The following DIAPH2 variants were observed in gnomAD, a reference collection of about 807,000 sequenced individuals.
DIAPH2 encodes diaphanous related formin 2, also known as protein diaphanous homolog 2.
In DIAPH2, 35 loss-of-function variants were observed where a neutral mutation model predicts 92.7. The observed-to-expected ratio is 0.38, with a 90% CI of 0.29 to 0.50. The LOEUF is 0.50. Among genes scored for constraint, DIAPH2 ranks in the 20% least tolerant of loss-of-function variants. The probability of loss-of-function intolerance (pLI) is 0.94; values close to 1 mark genes in which losing one functional copy is unlikely to be tolerated. For synonymous variants in DIAPH2, 301 were observed against 280.4 expected, an observed-to-expected ratio of 1.07 and a Z score of -0.73; for missense variants, 701 against 819.5, an observed-to-expected ratio of 0.86 and a Z score of 1.77.
At chrX:96,763,418 T>G (rs2064281505) in intron 4 of DIAPH2, among the ~76,000 whole-genome samples, 1 of 111,583 alleles carries the variant, frequency 9.0e-6, no homozygotes, top group African/African-American at 3.3e-5. Context: ...TGAAATTGTA[T>G]GTTTTACCTC....
chrX:96,769,985 G>T lies in DIAPH2; in HGVS notation c.447+11727G>T, dbSNP rs746037448. ...GGCTGAGGTGGGTGGATCACTTGAGGTCAGGAGTTCAAGACCAGCCTGGCC... is the reference window on the plus strand; with the variant it reads ...GGCTGAGGTGGGTGGATCACTTGAGTTCAGGAGTTCAAGACCAGCCTGGCC... On this transcript the variant is annotated intron_variant, in intron 4 of 26. Transcript: ENST00000324765. Among the ~76,000 whole-genome samples the T allele has an allele frequency of 3.6e-5, 4 of 111,586 alleles. No individual in the cohort carries two copies. In the South Asian group the frequency reaches 1.5e-3, roughly 42 times the overall value.
chrX:97,430,978 T>C (rs1259225569), intron 26 of DIAPH2, among the ~76,000 whole-genome samples: 1 of 112,100 alleles, frequency 8.9e-6, no homozygotes, highest in African/African-American at 3.2e-5. Flanking sequence ...AAGACTACTT[T>C]TATGTATATG....
intron 1 of DIAPH2, among the ~76,000 whole-genome samples, chrX:96,693,601 TCACAC>T (rs1348802306): frequency 9.0e-6 from 1 of 111,657 alleles, no homozygotes; most frequent in Non-Finnish European, 1.9e-5. Context: ...ACCACAGAGG[TCACAC>T]CACTTACCAA....
chrX:97,218,093 CTT>C (rs765085038), intron 22 of DIAPH2, among the ~76,000 whole-genome samples: 7 of 102,473 alleles, frequency 6.8e-5, no homozygotes, highest in Admixed American at 1.0e-4. Context: ...ACATGCTTTT[CTT>C]TTTTTTTTTT....
intron 22 of DIAPH2, among the ~76,000 whole-genome samples, chrX:97,177,498 A>T (rs1330318878): frequency 1.8e-5 from 2 of 110,725 alleles, no homozygotes; most frequent in Non-Finnish European, 3.8e-5. Context: ...TCAGAACAAA[A>T]CACCTGTATG....
chrX:97,264,293 A>G (rs2068315986), intron 23 of DIAPH2, among the ~76,000 whole-genome samples: 1 of 111,343 alleles, frequency 9.0e-6, no homozygotes, highest in Non-Finnish European at 1.9e-5. Flanking sequence ...TGCTTTAAGA[A>G]GGTCACATAG....
intron 1 of DIAPH2, among the ~76,000 whole-genome samples, chrX:96,709,321 T>C (rs1602443107): frequency 8.9e-6 from 1 of 112,070 alleles, no homozygotes; most frequent in East Asian, 2.8e-4. Context: ...TTTGATGAAA[T>C]GTGTGAGGCA....
At chrX:96,722,882 A>T (rs1381411500) in intron 1 of DIAPH2, among the ~76,000 whole-genome samples, 1 of 111,918 alleles carries the variant, frequency 8.9e-6, no homozygotes, top group African/African-American at 3.3e-5. Flanking sequence ...CTGACATTGC[A>T]TCATAACTTT....
At chrX:97,064,350 C>T (rs779790576) in intron 17 of DIAPH2, among the ~76,000 whole-genome samples, 1 of 110,891 alleles carries the variant, frequency 9.0e-6, no homozygotes, top group Non-Finnish European at 1.9e-5. Context: ...TTGCCTATGC[C>T]TTCTGTGAGC....
chrX:97,066,452 G>A lies in DIAPH2; in HGVS notation c.2051-6489G>A, dbSNP rs7885850. ...CCATGTAGGTTTGTGTAAGTGAACC[G>A]TATAATGTTCGCATAATGACAAAAT... On this transcript the variant is annotated intron_variant, in intron 17 of 26. Coordinates refer to ENST00000324765, the MANE Select transcript of DIAPH2 (RefSeq NM_006729.5). Among the ~76,000 whole-genome samples, 870 of 111,861 alleles carry A rather than the reference G, an allele frequency of 7.8e-3. 11 individuals carry two copies. Among genetic ancestry groups the A allele is most frequent in the African/African-American group, 0.026 (809 of 30,796 alleles).
chrX:97,276,592 A>G (rs2068454155), intron 23 of DIAPH2, among the ~76,000 whole-genome samples: 2 of 111,751 alleles, frequency 1.8e-5, no homozygotes, highest in South Asian at 3.8e-4. Flanking sequence ...AGCAACATTT[A>G]TGCTTTCAGA....
At chrX:96,863,846 G>T (rs2065087334) in intron 4 of DIAPH2, among the ~76,000 whole-genome samples, 1 of 111,568 alleles carries the variant, frequency 9.0e-6, no homozygotes, top group Non-Finnish European at 1.9e-5. Context: ...CAGACTACTT[G>T]AGCCCAGAAG....
chrX:97,286,394 T>C lies in DIAPH2; in HGVS notation c.2844+38555T>C, dbSNP rs143946353. The stretch of plus-strand genomic sequence containing the variant: ...CTACCCTCTAGCATGCTAGCAATAG[T>C]AGCAATCTAAACTCTCGGGTTTTAA... On this transcript the variant is annotated intron_variant, in intron 23 of 26. Transcript: ENST00000324765. Among the ~76,000 whole-genome samples the C allele has an allele frequency of 2.7e-5, 3 of 111,058 alleles. No individual in the cohort carries two copies. The East Asian group carries it at 8.5e-4, about 31-fold the overall frequency.
intron 20 of DIAPH2, among the ~76,000 whole-genome samples, chrX:97,113,036 TC>T (rs1401135894): frequency 9.1e-6 from 1 of 109,901 alleles, no homozygotes; most frequent in Non-Finnish European, 1.9e-5. Context: ...TGCCTCTGCC[TC>T]CCAAAGTGCT....
chrX:97,307,558 C>T (rs1292152818), intron 23 of DIAPH2, among the ~76,000 whole-genome samples: 2 of 111,211 alleles, frequency 1.8e-5, no homozygotes, highest in African/African-American at 6.5e-5. Flanking sequence ...GATTCAGTCT[C>T]AATATAAAAT....
intron 4 of DIAPH2, among the ~76,000 whole-genome samples, chrX:96,840,229 C>A (rs769428772): frequency 9.0e-6 from 1 of 111,696 alleles, no homozygotes; most frequent in Non-Finnish European, 1.9e-5. Flanking sequence ...TTGGACAGTG[C>A]AGATCTAGAG....
At chrX:97,166,069 T>C (rs1195728316) in intron 22 of DIAPH2, among the ~76,000 whole-genome samples, 1 of 111,572 alleles carries the variant, frequency 9.0e-6, no homozygotes, top group Non-Finnish European at 1.9e-5. Context: ...CATTGTTCTT[T>C]ATTTAATCTT....
intron 21 of DIAPH2, among the ~76,000 whole-genome samples, chrX:97,122,989 T>C (rs778353472): frequency 1.6e-4 from 18 of 112,077 alleles, no homozygotes; most frequent in African/African-American, 5.5e-4. Flanking sequence ...CATTTGTTCA[T>C]AATTCATTAC....
intron 23 of DIAPH2, among the ~76,000 whole-genome samples, chrX:97,283,123 G>A (rs1473043392): frequency 9.0e-6 from 1 of 111,717 alleles, no homozygotes; most frequent in African/African-American, 3.3e-5. Flanking sequence ...TAGCTAGTTG[G>A]TGGCCAAATC....
Sources: allele counts gnomAD v4.1 joint callset (sites outside exome capture counted in the v4.1 genomes callset), GRCh38; gene constraint gnomAD v4.1.1; transcripts MANE v1.5; gene names NCBI Gene and HGNC (gene_info 2026-07-23, HGNC 2026-07-21).